Variants in C2CD3 observed in about 807,000 individuals in gnomAD.
C2CD3 encodes the protein C2 domain-containing protein 3.
Under a neutral mutation model 234.0 loss-of-function variants are expected in C2CD3, and 148 were observed. The ratio of observed to expected loss-of-function variants is 0.63; its 90% CI spans 0.55 to 0.72. The LOEUF (loss-of-function observed/expected upper bound fraction) is 0.72, where lower values mean the gene tolerates loss of function less well. Ranked by LOEUF, C2CD3 falls within the 30% of genes least tolerant of loss-of-function variation. The pLI, the probability that C2CD3 is intolerant of heterozygous loss-of-function variation, is 0.00. For missense variants in C2CD3, 2,577 were observed against 2,811.5 expected, an observed-to-expected ratio of 0.92 and a Z score of 1.89; for synonymous variants, 1,000 against 1,035.4, an observed-to-expected ratio of 0.97 and a Z score of 0.66.
chr11:74,049,687 G>C, intron 26 of C2CD3, 145 bp from the exon 27 acceptor site: 1 of 650,756 alleles, frequency 1.5e-6, no homozygotes, highest in Non-Finnish European at 2.6e-6. Flanking sequence ...ATGAAGTTGA[G>C]AGGGACTGGC....
At chr11:74,109,943 C>T (rs1456604307) in intron 11 of C2CD3, among the ~76,000 whole-genome samples, 1 of 145,646 alleles carries the variant, frequency 6.9e-6, no homozygotes. Flanking sequence ...TAGCTGGGCG[C>T]AGTGGCAGAC....
intron 17 of C2CD3, among the ~76,000 whole-genome samples, chr11:74,094,543 A>G (rs1956035686): frequency 6.6e-6 from 1 of 152,120 alleles, no homozygotes; most frequent in Non-Finnish European, 1.5e-5. Context: ...CCCAGGTGAG[A>G]AAAAGGTGAG....
At chr11:74,103,665 T>G in intron 13 of C2CD3, 40 bp from the exon 14 acceptor site, 1 of 1,541,196 alleles carries the variant, frequency 6.5e-7, no homozygotes, top group East Asian at 2.3e-5. Flanking sequence ...AAGAATGTCC[T>G]TTAGAATTGG....
At chr11:74,044,483 T>A (rs1953257373) in intron 28 of C2CD3, among the ~76,000 whole-genome samples, 1 of 151,812 alleles carries the variant, frequency 6.6e-6, no homozygotes, top group Non-Finnish European at 1.5e-5. Context: ...AATTTGCAAA[T>A]ATTTTCTCCC....
chr11:74,034,589 C>G, intron 30 of C2CD3: 1 of 1,613,608 alleles, frequency 6.2e-7, no homozygotes, highest in East Asian at 2.2e-5. Flanking sequence ...GTTCATGCTT[C>G]CAGTTACTTC....
chr11:74,034,478 C>T (rs1952642975), intron 30 of C2CD3, 200 bp from the exon 31 acceptor site: 1 of 1,571,438 alleles, frequency 6.4e-7, no homozygotes, highest in Non-Finnish European at 8.6e-7. Flanking sequence ...ATCAGAGGAC[C>T]AGAATCTAAT....
intron 7 of C2CD3, among the ~76,000 whole-genome samples, chr11:74,125,811 T>C (rs1423996513): frequency 6.6e-6 from 1 of 152,146 alleles, no homozygotes; most frequent in Non-Finnish European, 1.5e-5. Flanking sequence ...GAATTGAAAA[T>C]TTCCTTTGAG....
intron 20 of C2CD3, among the ~76,000 whole-genome samples, chr11:74,089,320 A>G (rs1053407269): frequency 6.6e-6 from 1 of 152,218 alleles, no homozygotes; most frequent in South Asian, 2.1e-4. Context: ...GAAATTAAAC[A>G]AACAAACAAA....
chr11:74,137,981 AATT>A (rs1957924922), intron 5 of C2CD3, among the ~76,000 whole-genome samples: 1 of 152,214 alleles, frequency 6.6e-6, no homozygotes, highest in Non-Finnish European at 1.5e-5. Flanking sequence ...TAAGAATGTA[AATT>A]ATGTACCCAA....
intron 32 of C2CD3, among the ~76,000 whole-genome samples, chr11:74,021,929 C>T (rs1179476492): frequency 6.6e-6 from 1 of 152,118 alleles, no homozygotes. Context: ...AGTTCGAGAC[C>T]AGCCTGGCCA....
chr11:74,167,347 C>T (rs117251731), intron 2 of C2CD3, among the ~76,000 whole-genome samples: 2,509 of 152,258 alleles, frequency 0.016, 43 homozygotes, highest in Non-Finnish European at 0.025. Context: ...ATCTTTTAAT[C>T]GCACTTACTG....
rs1373466609 is a variant in C2CD3 at position 74,034,064 on chromosome 11, T to A, written c.6096A>T (p.Arg2032Ser). The A allele has an allele frequency of 6.5e-7, 1 of 1,536,136 alleles. No individual in the cohort carries two copies. The highest frequency in any genetic ancestry group is 2.4e-5 in the East Asian group (1 of 40,926). ...PPLEETSNGG[R>S]MLHESLRHAV... is the part of the protein sequence containing the mutation. ...CATGCCTCAGGGACTCATGGAGCAT[T>A]CTTCCTCCATTTGAAGTCTCTTCGA... Residue 2032 changes from arginine to serine, a missense_variant, in exon 31 of 33, where the codon AGA (arginine) becomes AGT (serine). Physicochemically the swap from Arg to Ser is moderately radical, Grantham distance 110. Transcript: ENST00000334126.
intron 29 of C2CD3, among the ~76,000 whole-genome samples, chr11:74,040,217 A>G (rs561003222): frequency 6.6e-6 from 1 of 152,258 alleles, no homozygotes; most frequent in African/African-American, 2.4e-5. Flanking sequence ...TGCGCTCCTT[A>G]TGAGAATCTA....
At chr11:74,021,668 C>T (rs61901180) in intron 32 of C2CD3, among the ~76,000 whole-genome samples, 433 of 152,192 alleles carry the variant, frequency 2.8e-3, no homozygotes, top group Non-Finnish European at 4.7e-3. Context: ...TGATAATTGA[C>T]TTAGGAATAT....
intron 8 of C2CD3, among the ~76,000 whole-genome samples, chr11:74,121,845 T>C (rs1263734598): frequency 6.6e-6 from 1 of 152,156 alleles, no homozygotes; most frequent in Admixed American, 6.5e-5. Context: ...AGGTGGGAAG[T>C]CATGAAATCC....
rs1196892573 is a variant in C2CD3 at position 74,064,361 on chromosome 11, C to CA, written c.4952-6818dup. ...ATAAAATACCTAGGAATCCAACTTA[C>CA]AAGGGATGTGAAGGACCTCTTCAAG... On this transcript the variant is annotated intron_variant, in intron 24 of 32. Transcript: ENST00000334126. Among the ~76,000 whole-genome samples, 5 of 152,214 alleles carry CA rather than the reference C, an allele frequency of 3.3e-5. 1 individual carries two copies. Among genetic ancestry groups the CA allele is most frequent in the Admixed American group, 3.3e-4 (5 of 15,294 alleles).
At chr11:74,103,101 C>G (rs368024754) in intron 14 of C2CD3, 30 bp downstream of exon 14, 18 of 1,581,156 alleles carry the variant, frequency 1.1e-5, no homozygotes, top group Non-Finnish European at 1.5e-5. Flanking sequence ...CCCTATATTC[C>G]TCTAATGGAT....
intron 30 of C2CD3, chr11:74,036,594 C>G: frequency 2.3e-6 from 1 of 438,844 alleles, no homozygotes; most frequent in Non-Finnish European, 4.6e-6. Flanking sequence ...AGAATCTACA[C>G]ATTTCGCTCA....
chr11:74,160,079 C>T (rs1220748796), intron 3 of C2CD3, among the ~76,000 whole-genome samples: 1 of 152,092 alleles, frequency 6.6e-6, no homozygotes, highest in African/African-American at 2.4e-5. Context: ...TAGTAACATG[C>T]TATATAGGTT....
Sources: gnomAD v4.1 joint callset for allele counts (sites outside exome capture counted in the v4.1 genomes callset) on GRCh38, gnomAD v4.1.1 for gene constraint, MANE v1.5 for transcripts, NCBI Gene and HGNC (gene_info 2026-07-23, HGNC 2026-07-21) for gene names.